The following NKAIN2 variants were observed in gnomAD, a reference collection of about 807,000 sequenced individuals.
The protein encoded by NKAIN2 is sodium/potassium transporting ATPase interacting 2.
NKAIN2 carries 14 observed loss-of-function variants against 32.6 expected under a neutral mutation model. The ratio of observed to expected loss-of-function variants is 0.43; its 90% CI spans 0.28 to 0.67. The LOEUF is 0.67. NKAIN2 is among the 30% of genes least tolerant of loss of function. NKAIN2 has a pLI of 0.17. For missense variants in NKAIN2, 198 were observed against 258.3 expected (o/e 0.77, Z 1.60); for synonymous variants, 80 against 87.2 (o/e 0.92, Z 0.46).
At chr6:123,855,637 G>A (rs1024082513) in intron 1 of NKAIN2, among the ~76,000 whole-genome samples, 2 of 152,194 alleles carry the variant, frequency 1.3e-5, no homozygotes, top group African/African-American at 4.8e-5. Context: ...ACCCTTATGT[G>A]CTGCACATGC....
At chr6:124,185,744 T>C (rs1389178932) in intron 1 of NKAIN2, among the ~76,000 whole-genome samples, 1 of 152,202 alleles carries the variant, frequency 6.6e-6, no homozygotes, top group Non-Finnish European at 1.5e-5. Context: ...CTTCTTCTTT[T>C]TATGGTTAAA....
chr6:124,694,132 A>G (rs1201549148), intron 4 of NKAIN2, among the ~76,000 whole-genome samples: 8 of 152,226 alleles, frequency 5.3e-5, no homozygotes, highest in Admixed American at 3.9e-4. Flanking sequence ...TTTAACATAG[A>G]GTATGTAATT....
At chr6:124,387,753 C>T (rs527469703) in intron 3 of NKAIN2, among the ~76,000 whole-genome samples, 4 of 152,022 alleles carry the variant, frequency 2.6e-5, no homozygotes, top group Admixed American at 2.0e-4. Context: ...TTTCTAAAAG[C>T]TATGACCTCA....
At chr6:124,016,852 G>C (rs1780596579) in intron 1 of NKAIN2, among the ~76,000 whole-genome samples, 2 of 152,030 alleles carry the variant, frequency 1.3e-5, no homozygotes, top group African/African-American at 4.8e-5. Context: ...GTATGTATTG[G>C]AGCTAGCATT....
chr6:123,912,487 CTTGTT>C (rs1008909563), intron 1 of NKAIN2, among the ~76,000 whole-genome samples: 2 of 152,016 alleles, frequency 1.3e-5, no homozygotes, highest in African/African-American at 2.4e-5. Context: ...AGGTGTATTT[CTTGTT>C]TTGTTAAGAT....
intron 4 of NKAIN2, among the ~76,000 whole-genome samples, chr6:124,725,341 C>G (rs1205064976): frequency 6.6e-6 from 1 of 152,102 alleles, no homozygotes; most frequent in Non-Finnish European, 1.5e-5. Flanking sequence ...TGGGTTCAAG[C>G]AATCCTCCCA....
At chr6:123,811,413 TG>T (rs1348552661) in intron 1 of NKAIN2, among the ~76,000 whole-genome samples, 2 of 2,328 alleles carry the variant, frequency 8.6e-4, no homozygotes, top group Non-Finnish European at 1.4e-3. Flanking sequence ...AGCGCTGGGG[TG>T]GGGGTTGTGG....
chr6:124,768,821 T>A (rs1778626439), intron 4 of NKAIN2, among the ~76,000 whole-genome samples: 1 of 152,216 alleles, frequency 6.6e-6, no homozygotes, highest in Non-Finnish European at 1.5e-5. Flanking sequence ...AAATTTATAC[T>A]TAGCCTGTTC....
chr6:123,806,117 A>G (rs1264875000), intron 1 of NKAIN2, among the ~76,000 whole-genome samples: 1 of 152,146 alleles, frequency 6.6e-6, no homozygotes, highest in African/African-American at 2.4e-5. Flanking sequence ...GCTCTTGAGT[A>G]CATGCATGCA....
chr6:124,668,710 C>T (rs1363031144), intron 4 of NKAIN2, among the ~76,000 whole-genome samples: 2 of 152,086 alleles, frequency 1.3e-5, no homozygotes, highest in African/African-American at 4.8e-5. Flanking sequence ...GGAAAACTTC[C>T]ATGTCAGTGA....
At chr6:123,906,479 G>A (rs1231044627) in intron 1 of NKAIN2, among the ~76,000 whole-genome samples, 1 of 150,044 alleles carries the variant, frequency 6.7e-6, no homozygotes, top group Admixed American at 6.6e-5. Context: ...TTTTTGTAGA[G>A]ACAGGGTTTC....
intron 2 of NKAIN2, among the ~76,000 whole-genome samples, chr6:124,346,779 T>G (rs1032790309): frequency 4.6e-5 from 7 of 152,006 alleles, no homozygotes; most frequent in African/African-American, 1.7e-4. Flanking sequence ...GGGTCTTGAC[T>G]CTTTATCCTA....
rs999061122 is a variant in NKAIN2 at position 124,577,288 on chromosome 6, A to G, written c.274-80898A>G. On this transcript the variant is annotated intron_variant, in intron 3 of 6. Transcript: ENST00000368417. ...ACCTGGTTTTATGCTCATATTACTG[A>G]AAAAGGCAAGGAAGAGGAAAGGAAA... 9.9e-5 allele frequency among the ~76,000 whole-genome samples: 15 copies of G among 152,264 alleles called. No homozygotes were observed. The South Asian group carries it at 1.0e-3, about 11-fold the overall frequency.
At chr6:124,739,258 T>C (rs187318555) in intron 4 of NKAIN2, among the ~76,000 whole-genome samples, 1 of 152,028 alleles carries the variant, frequency 6.6e-6, no homozygotes, top group African/African-American at 2.4e-5. Flanking sequence ...TAACATTCAT[T>C]AGCTCTCATA....
chr6:124,330,727 C>T (rs944662166), intron 2 of NKAIN2, among the ~76,000 whole-genome samples: 6 of 152,180 alleles, frequency 3.9e-5, no homozygotes, highest in African/African-American at 1.4e-4. Flanking sequence ...GGGCTATGGA[C>T]TGGTACTGGT....
chr6:124,242,855 A>G, intron 1 of NKAIN2, among the ~76,000 whole-genome samples: 1 of 129,758 alleles, frequency 7.7e-6, no homozygotes, highest in South Asian at 2.6e-4. Flanking sequence ...GCATGGACAC[A>G]GGGAGGGGAA....
rs1393796487 is a variant in NKAIN2 at position 123,964,916 on chromosome 6, C to T, written c.54+160662C>T. On this transcript the variant is annotated intron_variant, in intron 1 of 6. Coordinates refer to ENST00000368417, the MANE Select transcript of NKAIN2 (RefSeq NM_001040214.3). The surrounding 1 kb of genome is among the most constrained non-coding windows in gnomAD (Gnocchi z 4.0). The stretch of plus-strand genomic sequence containing the variant: ...ACCTATCACCAGTTCCCTTTTTGCC[C>T]TCTTTAAGTCCTATTTTGCCCTATT... Among the ~76,000 whole-genome samples, 1 of 151,980 alleles carries T rather than the reference C, an allele frequency of 6.6e-6. No homozygotes were observed. Among genetic ancestry groups the T allele is most frequent in the African/African-American group, 2.4e-5 (1 of 41,396 alleles).
chr6:124,740,055 C>G (rs563831814), intron 4 of NKAIN2, among the ~76,000 whole-genome samples: 2 of 151,750 alleles, frequency 1.3e-5, no homozygotes, highest in South Asian at 4.1e-4. Flanking sequence ...CATTTGTGCA[C>G]AGAAATCAAT....
chr6:124,216,377 A>G (rs1791478156), intron 1 of NKAIN2, among the ~76,000 whole-genome samples: 1 of 152,112 alleles, frequency 6.6e-6, no homozygotes, highest in Non-Finnish European at 1.5e-5. Context: ...ACCAAAACTT[A>G]TTTGTTATCC....
Sources: gnomAD v4.1 joint callset for allele counts (sites outside exome capture counted in the v4.1 genomes callset) on GRCh38, gnomAD v4.1.1 for gene constraint, Gnocchi (gnomAD v3.1) non-coding constraint, MANE v1.5 for transcripts, NCBI Gene and HGNC (gene_info 2026-07-23, HGNC 2026-07-21) for gene names.